Variants in STK39 observed in about 807,000 individuals in gnomAD.
The protein encoded by STK39 is STE20/SPS1-related proline-alanine-rich protein kinase.
Under a neutral mutation model 77.8 loss-of-function variants are expected in STK39, and 20 were observed. The observed-to-expected ratio is 0.26, with a 90% CI of 0.18 to 0.37. STK39 has a LOEUF of 0.37. Ranked by LOEUF, STK39 falls within the 10% of genes least tolerant of loss-of-function variation. STK39 has a pLI of 1.00. For missense variants in STK39, 479 were observed against 656.5 expected, an observed-to-expected ratio of 0.73 and a Z score of 2.95; for synonymous variants, 246 against 234.1, an observed-to-expected ratio of 1.05 and a Z score of -0.47.
At chr2:167,982,542 T>C (rs1432842204) in intron 16 of STK39, among the ~76,000 whole-genome samples, 1 of 152,132 alleles carries the variant, frequency 6.6e-6, no homozygotes, top group Non-Finnish European at 1.5e-5. Flanking sequence ...AAGAGGTGCC[T>C]TTTTATTCTA....
At chr2:168,069,286 GA>G (rs936062005) in intron 12 of STK39, among the ~76,000 whole-genome samples, 1 of 152,014 alleles carries the variant, frequency 6.6e-6, no homozygotes, top group African/African-American at 2.4e-5. Flanking sequence ...GTAATATAAG[GA>G]AAAAAATTAG....
intron 1 of STK39, among the ~76,000 whole-genome samples, chr2:168,186,218 T>G (rs1026062678): frequency 4.6e-5 from 7 of 152,194 alleles, no homozygotes; most frequent in African/African-American, 1.7e-4. Context: ...AGGTGCCTGT[T>G]TACAAGCCAG....
At chr2:168,090,895 T>C (rs551547332) in intron 10 of STK39, among the ~76,000 whole-genome samples, 52 of 152,104 alleles carry the variant, frequency 3.4e-4, no homozygotes, top group Non-Finnish European at 6.8e-4. Flanking sequence ...TTCCTCTAAG[T>C]ATCTTGAAGA....
At chr2:167,956,734 C>CA (rs1691794472) in intron 17 of STK39, among the ~76,000 whole-genome samples, 1 of 52,660 alleles carries the variant, frequency 1.9e-5, no homozygotes, top group African/African-American at 6.8e-5. Context: ...TCTCTCCCCC[C>CA]CCGCCCCCTC....
intron 10 of STK39, 109 bp from the exon 11 acceptor site, chr2:168,075,340 G>A: frequency 6.9e-7 from 1 of 1,453,466 alleles, no homozygotes; most frequent in Non-Finnish European, 9.4e-7. Flanking sequence ...AATAACCTGA[G>A]TGGCTGTGAA....
chr2:168,126,752 T>C (rs1687552919), intron 10 of STK39, among the ~76,000 whole-genome samples: 1 of 152,164 alleles, frequency 6.6e-6, no homozygotes, highest in Non-Finnish European at 1.5e-5. Context: ...GGGCAGAGTA[T>C]GTCAAAGAAC....
intron 16 of STK39, among the ~76,000 whole-genome samples, chr2:167,991,649 G>T (rs1209239255): frequency 6.6e-6 from 1 of 152,152 alleles, no homozygotes; most frequent in African/African-American, 2.4e-5. Context: ...TATTAATAAG[G>T]ACTATCAATA....
At chr2:168,003,015 G>A (rs991681081) in intron 16 of STK39, among the ~76,000 whole-genome samples, 3 of 152,174 alleles carry the variant, frequency 2.0e-5, no homozygotes, top group Non-Finnish European at 4.4e-5. Flanking sequence ...ATGGAGTCTC[G>A]CTCTGTCGCC....
chr2:168,122,735 C>T (rs1194580178), intron 10 of STK39, among the ~76,000 whole-genome samples: 2 of 152,114 alleles, frequency 1.3e-5, no homozygotes, highest in South Asian at 4.2e-4. Flanking sequence ...CCACACTCAG[C>T]CAACAAGGTG....
In STK39 at chr2:168,179,306, T is replaced by TGC. The variant is rs143123463; in HGVS notation, c.321+2671_321+2672insGC. Among the ~76,000 whole-genome samples the TGC allele has an allele frequency of 2.0e-5, 3 of 152,332 alleles. No individual in the cohort carries two copies. The East Asian group carries it at 5.8e-4, about 29-fold the overall frequency. On this transcript the variant is annotated intron_variant, in intron 2 of 17. Transcript: ENST00000355999. ...ACAGCAGTATTAGACATTGAAAAGA[T>TGC]GACAGCAACTGTGCTCCACACGATC...
intron 5 of STK39, among the ~76,000 whole-genome samples, chr2:168,150,427 T>C (rs928883916): frequency 1.3e-5 from 2 of 152,158 alleles, no homozygotes; most frequent in Admixed American, 1.3e-4. Context: ...CACACCTCTT[T>C]GGGAATACAC....
At chr2:168,140,588 T>C (rs1687955402) in intron 6 of STK39, 61 bp downstream of exon 6, 4 of 1,359,416 alleles carry the variant, frequency 2.9e-6, no homozygotes, top group Non-Finnish European at 4.1e-6. Flanking sequence ...AATGTTAGCA[T>C]ATTAATGATC....
At chr2:168,230,966 C>T (rs141777911) in intron 1 of STK39, among the ~76,000 whole-genome samples, 17 of 152,274 alleles carry the variant, frequency 1.1e-4, no homozygotes, top group African/African-American at 4.1e-4. Flanking sequence ...GACCTGACTA[C>T]AGAATCCCAC....
intron 16 of STK39, among the ~76,000 whole-genome samples, chr2:167,982,302 AT>A (rs956768284): frequency 1.4e-4 from 22 of 152,038 alleles, no homozygotes; most frequent in Non-Finnish European, 3.1e-4. Flanking sequence ...TAAGTGCTGA[AT>A]TTTTTTTCTC....
intron 2 of STK39, 105 bp from the exon 3 acceptor site, chr2:168,167,512 C>T: frequency 1.1e-6 from 1 of 942,928 alleles, no homozygotes; most frequent in Non-Finnish European, 1.7e-6. Context: ...TACTCGAAAG[C>T]CTACCTGAGG....
At chr2:168,114,964 C>T (rs187659905) in intron 10 of STK39, among the ~76,000 whole-genome samples, 40 of 152,306 alleles carry the variant, frequency 2.6e-4, no homozygotes, top group East Asian at 2.3e-3. Flanking sequence ...CAGAACAAAA[C>T]GGCTTCAATA....
intron 12 of STK39, among the ~76,000 whole-genome samples, chr2:168,069,408 A>G (rs1348000281): frequency 6.6e-6 from 1 of 152,260 alleles, no homozygotes; most frequent in Admixed American, 6.5e-5. Flanking sequence ...TTCCATAATT[A>G]GCCAAGTCTA....
At chr2:168,240,423 T>C (rs1690729616) in intron 1 of STK39, among the ~76,000 whole-genome samples, 1 of 152,290 alleles carries the variant, frequency 6.6e-6, no homozygotes, top group Non-Finnish European at 1.5e-5. Flanking sequence ...GGTTAGGAAA[T>C]TATTACAATA....
At chr2:168,163,580 C>G (rs2292784) in intron 4 of STK39, 159 bp downstream of exon 4, 33,660 of 983,878 alleles carry the variant, frequency 0.034, 2,014 homozygotes, top group East Asian at 0.31. Flanking sequence ...CCTTAACATT[C>G]TTTACAAACT....
Sources: gnomAD v4.1 joint callset for allele counts (sites outside exome capture counted in the v4.1 genomes callset) on GRCh38, gnomAD v4.1.1 for gene constraint, MANE v1.5 for transcripts, NCBI Gene and HGNC (gene_info 2026-07-23, HGNC 2026-07-21) for gene names.